Variants in CALD1 observed in about 807,000 individuals in gnomAD.
The protein encoded by CALD1 is caldesmon 1.
CALD1 carries 33 observed loss-of-function variants against 99.9 expected under a neutral mutation model. The ratio of observed to expected loss-of-function variants is 0.33; its 90% CI spans 0.25 to 0.44. The LOEUF (loss-of-function observed/expected upper bound fraction) is 0.44, where lower values mean the gene tolerates loss of function less well. Among genes scored for constraint, CALD1 ranks in the 20% least tolerant of loss-of-function variants. CALD1 has a pLI of 1.00. For synonymous variants in CALD1, 310 were observed against 325.0 expected (o/e 0.95, Z 0.50); for missense variants, 861 against 962.1 (o/e 0.89, Z 1.39).
intron 1 of CALD1, among the ~76,000 whole-genome samples, chr7:134,756,357 A>AT (rs34702351): frequency 6.7e-6 from 1 of 148,986 alleles, no homozygotes. Flanking sequence ...ATCATATGGC[A>AT]TTTTTTTCCT....
intron 3 of CALD1, chr7:134,868,140 A>C (rs1800889868): frequency 6.0e-6 from 1 of 166,000 alleles, no homozygotes; most frequent in Admixed American, 6.0e-5. Context: ...AAGAAATGAC[A>C]AAAAAATGTC....
At chr7:134,865,020 C>G (rs938010665) in intron 2 of CALD1, among the ~76,000 whole-genome samples, 10 of 152,120 alleles carry the variant, frequency 6.6e-5, no homozygotes, top group African/African-American at 2.4e-4. Flanking sequence ...CAGAGCCTCA[C>G]GACTGATGGA....
chr7:134,949,136 A>C (rs889772657), intron 8 of CALD1, among the ~76,000 whole-genome samples: 10 of 152,320 alleles, frequency 6.6e-5, no homozygotes, highest in Admixed American at 6.5e-4. Context: ...AAAAATTAGT[A>C]GGTATCATTA....
chr7:134,920,751 C>T (rs982352510), intron 3 of CALD1: 20 of 1,045,556 alleles, frequency 1.9e-5, no homozygotes, highest in Non-Finnish European at 2.3e-5. Context: ...AAATGGTGAA[C>T]TTCAATAGCA....
At chr7:134,796,731 A>G (rs1223661842) in intron 1 of CALD1, among the ~76,000 whole-genome samples, 1 of 152,066 alleles carries the variant, frequency 6.6e-6, no homozygotes, top group Non-Finnish European at 1.5e-5. Context: ...AACCACAGAC[A>G]CAGCACCATC....
rs1797028051 is a variant in CALD1 at position 134,779,705 on chromosome 7, C to G, written c.-174C>G. On this transcript the variant is annotated 5_prime_UTR_variant, in exon 1 of 15. Coordinates refer to ENST00000361675, the MANE Select transcript of CALD1 (RefSeq NM_033138.4). ...GTGCTCCTGCTTAAAGAAATCAGTC[C>G]TTCCTTTCCGACTTAGTCCTCGGGA... is the stretch of plus-strand genomic sequence containing the variant. The G allele has an allele frequency of 5.0e-6, 2 of 398,722 alleles. No homozygotes were observed. The highest frequency in any genetic ancestry group is 8.8e-6 in the Non-Finnish European group (2 of 226,174). The allele number at this position is 398,722 out of a possible 1,614,324, so 24.7% of individuals were successfully genotyped here. A position where few individuals can be genotyped will look rare whatever the true frequency, so the allele number is the denominator to read the frequency against.
At chr7:134,712,563 T>G in the CALD1 span, among the ~76,000 whole-genome samples, 2 of 152,228 alleles carry the variant, frequency 1.3e-5, no homozygotes, top group Admixed American at 6.5e-5. Context: ...GGACAATCCC[T>G]GGAATGTCTT....
chr7:134,947,597 G>C lies in CALD1; in HGVS notation c.1622G>C (p.Arg541Pro). 6.4e-7 allele frequency: 1 copy of C among 1,561,174 alleles called. No individual in the cohort carries two copies. The highest frequency in any genetic ancestry group is 8.7e-7 in the Non-Finnish European group (1 of 1,152,306). Residue 541 changes from arginine to proline, a missense_variant, in exon 8 of 15, where the codon CGT becomes CCT. Around this residue, in one of 5 missense-constraint regions of CALD1, gnomAD observed 293 missense variants for 262.7 expected, o/e 1.12. Coordinates refer to ENST00000361675, the MANE Select transcript of CALD1 (RefSeq NM_033138.4). Reference protein sequence around the residue: ...EAGKRLEELRRRRGETESEEF... With the variant: ...EAGKRLEELRPRRGETESEEF... ...GGCAAAAGGCTGGAGGAGCTTCGTCGTCGTCGCGGGGAGACCGAGAGCGAA... is the reference window on the plus strand; with the variant it reads ...GGCAAAAGGCTGGAGGAGCTTCGTCCTCGTCGCGGGGAGACCGAGAGCGAA...
At position 134,960,046 on chromosome 7, in the gene CALD1, A is replaced by T; in HGVS notation, c.2134A>T (p.Ile712Phe). 1 of 1,614,210 alleles carries T rather than the reference A, an allele frequency of 6.2e-7. No individual in the cohort carries two copies. The highest frequency in any genetic ancestry group is 8.5e-7 in the Non-Finnish European group (1 of 1,180,034). ...LPVPAEGVRN[I>F]KSMWEKGNVF... is the part of the protein sequence containing the mutation. The stretch of plus-strand genomic sequence containing the variant: ...TGTTCCTGCTGAAGGTGTACGCAAC[A>T]TCAAGAGTATGTGGGAGAAAGGGAA... Residue 712 changes from isoleucine (I) to phenylalanine (F), a missense_variant, in exon 12 of 15, where the codon ATC becomes TTC. Physicochemically the swap from Ile to Phe is conservative, Grantham distance 21 (BLOSUM62 0). Coordinates refer to ENST00000361675, the MANE Select transcript of CALD1 (RefSeq NM_033138.4).
At chr7:134,943,872 C>T (rs1466335502) in intron 7 of CALD1, among the ~76,000 whole-genome samples, 1 of 152,080 alleles carries the variant, frequency 6.6e-6, no homozygotes, top group Non-Finnish European at 1.5e-5. Flanking sequence ...GCTTTCTATG[C>T]CAATAAATAT....
In CALD1 at chr7:134,787,813, A is replaced by G. The variant is rs144169152; in HGVS notation, c.-130+8064A>G. Among the ~76,000 whole-genome samples, 40 of 152,330 alleles carry G rather than the reference A, an allele frequency of 2.6e-4. No homozygotes were observed. In the East Asian group the frequency reaches 7.5e-3, roughly 29 times the overall value. ...ATTCACTAAAGATTGGAGAGCCAAA[A>G]GTTTCTCTGCAAGAGTGACCTGATC... On this transcript the variant is annotated intron_variant, in intron 1 of 14. Coordinates refer to ENST00000361675, the MANE Select transcript of CALD1 (RefSeq NM_033138.4).
chr7:134,737,987 T>C, the CALD1 span, among the ~76,000 whole-genome samples: 2 of 152,218 alleles, frequency 1.3e-5, no homozygotes, highest in Non-Finnish European at 2.9e-5. Context: ...AAGATGTTTT[T>C]TTCCACAAAG....
chr7:134,880,710 A>G (rs1302253576), intron 3 of CALD1, among the ~76,000 whole-genome samples: 1 of 152,090 alleles, frequency 6.6e-6, no homozygotes, highest in Non-Finnish European at 1.5e-5. Flanking sequence ...ACCTATTATT[A>G]AGGGGCCTCG....
intron 1 of CALD1, among the ~76,000 whole-genome samples, chr7:134,784,502 G>T (rs1797231076): frequency 6.6e-6 from 1 of 152,204 alleles, no homozygotes; most frequent in Non-Finnish European, 1.5e-5. Flanking sequence ...GGGCTAAGTT[G>T]TGCATGACAG....
At chr7:134,826,873 C>T (rs147783150) in intron 1 of CALD1, among the ~76,000 whole-genome samples, 1 of 152,274 alleles carries the variant, frequency 6.6e-6, no homozygotes, top group African/African-American at 2.4e-5. Context: ...CAACCTCTAC[C>T]TGCTTAACTC....
At chr7:134,911,068 G>C (rs894915352) in intron 3 of CALD1, among the ~76,000 whole-genome samples, 1 of 152,008 alleles carries the variant, frequency 6.6e-6, no homozygotes, top group African/African-American at 2.4e-5. Context: ...TCCATCTCCT[G>C]TATTTTTTTC....
intron 1 of CALD1, among the ~76,000 whole-genome samples, chr7:134,768,312 TG>T (rs1237611195): frequency 6.6e-6 from 1 of 152,228 alleles, no homozygotes; most frequent in African/African-American, 2.4e-5. Context: ...TCCAGGAGAC[TG>T]GCCCCATCAA....
At chr7:134,738,673 A>G in the CALD1 span, among the ~76,000 whole-genome samples, 50 of 152,216 alleles carry the variant, frequency 3.3e-4, 1 homozygote, top group East Asian at 9.5e-3. Context: ...ATCCTCAACT[A>G]TAGGACCAGC....
At chr7:134,779,014 G>A (rs1562995419), upstream of CALD1, among the ~76,000 whole-genome samples, 2 of 152,172 alleles carry the variant, frequency 1.3e-5, no homozygotes, top group Admixed American at 6.5e-5. Flanking sequence ...TTGGGGAGGT[G>A]TGCCTCTTTC....
Sources: gnomAD v4.1 joint callset for allele counts (sites outside exome capture counted in the v4.1 genomes callset) on GRCh38, gnomAD v4.1.1 for gene constraint, gnomAD v4.1.1 regional missense constraint, MANE v1.5 for transcripts, NCBI Gene and HGNC (gene_info 2026-07-23, HGNC 2026-07-21) for gene names.